KCNQ1: variants seen among roughly 807,000 people sequenced by gnomAD.
KCNQ1 encodes the protein potassium voltage-gated channel subfamily Q member 1, also known as potassium voltage-gated channel subfamily KQT member 1.
In KCNQ1, 49 loss-of-function variants were observed where a neutral mutation model predicts 72.4. That is an observed-to-expected ratio of 0.68 (90% CI 0.54 to 0.86). The LOEUF is 0.86. Among genes scored for constraint, KCNQ1 ranks in the 40% least tolerant of loss-of-function variants. KCNQ1 has a pLI of 0.00. For missense variants in KCNQ1, 790 were observed against 945.1 expected (o/e 0.84, Z 2.15); for synonymous variants, 450 against 412.6 (o/e 1.09, Z -1.10).
chr11:2,721,613 G>T (rs1177028926), intron 11 of KCNQ1, among the ~76,000 whole-genome samples: 1 of 152,244 alleles, frequency 6.6e-6, no homozygotes, highest in Non-Finnish European at 1.5e-5. Flanking sequence ...GGGAGGCCTC[G>T]CGTAGAGTTG....
In KCNQ1 at chr11:2,715,605, A is replaced by G. The variant is rs894590072; in HGVS notation, c.1515-53239A>G. Among the ~76,000 whole-genome samples, 12 of 152,228 alleles carry G rather than the reference A, an allele frequency of 7.9e-5. No homozygotes were observed. In the South Asian group the frequency reaches 2.5e-3, roughly 32 times the overall value. On this transcript the variant is annotated intron_variant, in intron 11 of 15. Transcript: ENST00000155840. The surrounding 1 kb of genome is among the most constrained non-coding windows in gnomAD (Gnocchi z 4.9). The stretch of plus-strand genomic sequence containing the variant: ...CCCCTGCTGGGGTCCCCTGGGACCC[A>G]TCCTTCCAAGCCCCTGCCAGCCTTG...
chr11:2,512,781 G>T (rs1019050271), intron 1 of KCNQ1, among the ~76,000 whole-genome samples: 1 of 152,202 alleles, frequency 6.6e-6, no homozygotes, highest in Admixed American at 6.5e-5. Flanking sequence ...CTGTCTGCCC[G>T]CCTGGAGTTC....
chr11:2,702,075 C>G (rs1850824829), intron 11 of KCNQ1, among the ~76,000 whole-genome samples: 1 of 152,234 alleles, frequency 6.6e-6, no homozygotes, highest in African/African-American at 2.4e-5. Flanking sequence ...TCTGGCCTTC[C>G]TCAGCCTTCC....
At chr11:2,631,498 T>C in intron 10 of KCNQ1, 1 of 350,082 alleles carries the variant, frequency 2.9e-6, no homozygotes, top group Non-Finnish European at 4.8e-6. Flanking sequence ...TTAGGTTGTC[T>C]CTCTGTTCTC....
At position 2,526,657 on chromosome 11, in the gene KCNQ1, G is replaced by A. The variant is rs1176474864; in HGVS notation, c.387-1271G>A. Among the ~76,000 whole-genome samples, 1 of 151,806 alleles carries A rather than the reference G, an allele frequency of 6.6e-6. No homozygotes were observed. Among genetic ancestry groups the A allele is most frequent in the African/African-American group, 2.4e-5 (1 of 41,332 alleles). On this transcript the variant is annotated intron_variant, in intron 1 of 15. Transcript: ENST00000155840. This position sits in a 1 kb window ranked among gnomAD's most constrained non-coding sequence, Gnocchi z 6.1. ...TGCTGGGAGGTAGCCTGTTTGTTGT[G>A]GGCTCTGGGGGCCTGGGGAGGGTGG...
chr11:2,564,083 T>C lies in KCNQ1; in HGVS notation c.478-6545T>C, dbSNP rs968650008. Among the ~76,000 whole-genome samples the C allele has an allele frequency of 2.0e-5, 3 of 152,202 alleles. No homozygotes were observed. Among genetic ancestry groups the C allele is most frequent in the Non-Finnish European group, 4.4e-5 (3 of 68,042 alleles). ...GGGCCCCTCGAGGCACTCATTTCAG[T>C]ATCAGAGAACACACATAACGTAAAA... is the stretch of plus-strand genomic sequence containing the variant. On this transcript the variant is annotated intron_variant, in intron 2 of 15. Coordinates refer to ENST00000155840, the MANE Select transcript of KCNQ1 (RefSeq NM_000218.3). The surrounding 1 kb of genome is among the most constrained non-coding windows in gnomAD (Gnocchi z 4.5).
intron 10 of KCNQ1, chr11:2,637,574 T>C (rs971142834): frequency 3.3e-5 from 5 of 152,236 alleles, no homozygotes; most frequent in Admixed American, 6.5e-5. Context: ...TCTGTTCTTT[T>C]ACATTTGCTG....
intron 15 of KCNQ1, among the ~76,000 whole-genome samples, chr11:2,836,229 C>G (rs1036140751): frequency 1.3e-5 from 2 of 152,080 alleles, no homozygotes; most frequent in African/African-American, 4.8e-5. Flanking sequence ...GGGGATGGGT[C>G]TGGTAGAGCA....
chr11:2,581,641 G>T (rs909047225), intron 6 of KCNQ1, among the ~76,000 whole-genome samples: 2 of 152,256 alleles, frequency 1.3e-5, no homozygotes, highest in African/African-American at 2.4e-5. Flanking sequence ...GTCAGGCTCG[G>T]ACATGGGGAC....
intron 10 of KCNQ1, chr11:2,628,873 C>A (rs1849305546): frequency 2.5e-6 from 1 of 398,330 alleles, no homozygotes; most frequent in East Asian, 3.6e-5. Context: ...CAAGAGAGTA[C>A]CCTTTCCCCA....
intron 15 of KCNQ1, among the ~76,000 whole-genome samples, chr11:2,819,172 G>A (rs1369512768): frequency 2.6e-5 from 4 of 152,230 alleles, no homozygotes; most frequent in African/African-American, 4.8e-5. Flanking sequence ...AGGCATCAGT[G>A]GTAGGCCAGA....
At chr11:2,777,827 A>C in intron 14 of KCNQ1, 149 bp from the exon 15 acceptor site, 1 of 690,056 alleles carries the variant, frequency 1.4e-6, no homozygotes, top group Non-Finnish European at 2.6e-6. Flanking sequence ...TTTTTGTCAT[A>C]GCATGCTTTT....
At position 2,447,289 on chromosome 11, in the gene KCNQ1, G is replaced by A. The variant is rs78615661; in HGVS notation, c.386+1805G>A. On this transcript the variant is annotated intron_variant, in intron 1 of 15. Transcript: ENST00000155840. The surrounding 1 kb of genome is among the most constrained non-coding windows in gnomAD (Gnocchi z 7.6). ...TGGCAAGGCAGGGGTGGCTTCTGGG[G>A]ACAGGGGCAGGATGGCTTCTGTGAA... is the stretch of plus-strand genomic sequence containing the variant. Among the ~76,000 whole-genome samples, 2,404 of 152,288 alleles carry A rather than the reference G, an allele frequency of 0.016. 66 individuals are homozygous for A. The highest frequency in any genetic ancestry group is 0.055 in the African/African-American group (2,294 of 41,562).
At chr11:2,709,607 A>G (rs1850972677) in intron 11 of KCNQ1, among the ~76,000 whole-genome samples, 1 of 151,604 alleles carries the variant, frequency 6.6e-6, no homozygotes, top group East Asian at 1.9e-4. Flanking sequence ...CCTAAAAGCA[A>G]CCCTGCATTC....
In KCNQ1 at chr11:2,656,701, T is replaced by A. The variant is rs145083469; in HGVS notation, c.1394-5260T>A. 8.0e-4 allele frequency: 317 copies of A among 398,656 alleles called. 2 individuals carry two copies. Among genetic ancestry groups the A allele is most frequent in the African/African-American group, 6.3e-3 (305 of 48,752 alleles). The allele number at this position is 398,656 out of a possible 1,614,324, so 24.7% of individuals were successfully genotyped here. A position where few individuals can be genotyped will look rare whatever the true frequency, so the allele number is the denominator to read the frequency against. Reference sequence around the variant, plus strand: ...TGTCTTTTCACTCTTTAAGGTGTATTTTGATGATTGGGTCTTAACTCTAAT... The same window carrying A: ...TGTCTTTTCACTCTTTAAGGTGTATATTGATGATTGGGTCTTAACTCTAAT... On this transcript the variant is annotated intron_variant, in intron 10 of 15. Transcript: ENST00000155840.
At chr11:2,688,625 G>A (rs1227346432) in intron 11 of KCNQ1, 3 of 398,748 alleles carry the variant, frequency 7.5e-6, no homozygotes, top group South Asian at 1.3e-4. Flanking sequence ...GTGCCTGGGT[G>A]AGCTCTGGAC....
At chr11:2,614,961 T>C (rs76755549) in intron 10 of KCNQ1, 7,099 of 398,462 alleles carry the variant, frequency 0.018, 77 homozygotes, top group Middle Eastern at 0.041. Context: ...AAGGGTTGCA[T>C]TGAATCTGTA....
Position 2,598,792 on chromosome 11 carries a change from AAGCTACTGCATTCTC to A in KCNQ1, c.1393+9939_1393+9953del, listed in dbSNP as rs1848764544. Among the ~76,000 whole-genome samples, 1 of 152,162 alleles carries A rather than the reference AAGCTACTGCATTCTC, an allele frequency of 6.6e-6. No homozygotes were observed. The highest frequency in any genetic ancestry group is 1.5e-5 in the Non-Finnish European group (1 of 68,030). Reference sequence around the variant, plus strand: ...GCCATTTTCTTATGTGGCCCTAAGCAAGCTACTGCATTCTCTGTGCCTCAGTTTCCACATCTGTGA... The same window carrying A: ...GCCATTTTCTTATGTGGCCCTAAGCATGTGCCTCAGTTTCCACATCTGTGA... On this transcript the variant is annotated intron_variant, in intron 10 of 15. Coordinates refer to ENST00000155840, the MANE Select transcript of KCNQ1 (RefSeq NM_000218.3). The surrounding 1 kb of genome is among the most constrained non-coding windows in gnomAD (Gnocchi z 6.2).
chr11:2,542,284 G>A (rs966135635), intron 2 of KCNQ1, among the ~76,000 whole-genome samples: 1 of 152,262 alleles, frequency 6.6e-6, no homozygotes, highest in Admixed American at 6.5e-5. Flanking sequence ...AAGGGTGTTG[G>A]TGGACGATGC....
Sources: gnomAD v4.1 joint callset for allele counts (sites outside exome capture counted in the v4.1 genomes callset) on GRCh38, gnomAD v4.1.1 for gene constraint, Gnocchi (gnomAD v3.1) non-coding constraint, MANE v1.5 for transcripts, NCBI Gene and HGNC (gene_info 2026-07-23, HGNC 2026-07-21) for gene names.